Variants in PDE1A observed in about 807,000 individuals in gnomAD.
PDE1A encodes dual specificity calcium/calmodulin-dependent 3',5'-cyclic nucleotide phosphodiesterase 1A.
Under a neutral mutation model 61.7 loss-of-function variants are expected in PDE1A, and 35 were observed. The ratio of observed to expected loss-of-function variants is 0.57; its 90% CI spans 0.43 to 0.75. PDE1A has a LOEUF of 0.75. PDE1A is among the 30% of genes least tolerant of loss of function. The pLI is 0.00. For missense variants in PDE1A, 597 were observed against 630.6 expected, an observed-to-expected ratio of 0.95 and a Z score of 0.57; for synonymous variants, 232 against 213.2, an observed-to-expected ratio of 1.09 and a Z score of -0.77.
At chr2:182,197,798 A>G (rs1328719961) in intron 10 of PDE1A, among the ~76,000 whole-genome samples, 1 of 151,898 alleles carries the variant, frequency 6.6e-6, no homozygotes, top group Non-Finnish European at 1.5e-5. Context: ...CAGTGCCTTG[A>G]TCACTGTAGC....
the PDE1A span, among the ~76,000 whole-genome samples, chr2:182,616,676 GCTAGGCAGTTTT>G: frequency 2.0e-5 from 3 of 152,210 alleles, no homozygotes; most frequent in Non-Finnish European, 4.4e-5. Context: ...GAGCATCTTT[GCTAGGCAGTTTT>G]CCCAGCTACT....
chr2:182,694,550 CAAGAGATCCATG>C, the PDE1A span, among the ~76,000 whole-genome samples: 15 of 152,176 alleles, frequency 9.9e-5, no homozygotes, highest in Non-Finnish European at 1.3e-4. Flanking sequence ...TGTAGGAATA[CAAGAGATCCATG>C]AAGAGATCTC....
At chr2:182,589,527 A>G in the PDE1A span, among the ~76,000 whole-genome samples, 1 of 152,186 alleles carries the variant, frequency 6.6e-6, no homozygotes, top group Non-Finnish European at 1.5e-5. Context: ...ATCATCTAAA[A>G]CAAAAATTCA....
intron 1 of PDE1A, among the ~76,000 whole-genome samples, chr2:182,287,425 A>T (rs1694238561): frequency 6.6e-6 from 1 of 152,140 alleles, no homozygotes; most frequent in South Asian, 2.1e-4. Context: ...TCTATCTATC[A>T]CGTCTATTTA....
the PDE1A span, among the ~76,000 whole-genome samples, chr2:182,703,933 G>A: frequency 6.6e-6 from 1 of 152,018 alleles, no homozygotes; most frequent in Non-Finnish European, 1.5e-5. Flanking sequence ...GGGCGTGATG[G>A]CTCACACCTG....
chr2:182,260,220 CT>C (rs1161048274), intron 2 of PDE1A, among the ~76,000 whole-genome samples: 1 of 152,104 alleles, frequency 6.6e-6, no homozygotes, highest in Non-Finnish European at 1.5e-5. Context: ...TTTGTGCTGA[CT>C]TTTTTCTTTC....
At chr2:182,623,377 T>C in the PDE1A span, among the ~76,000 whole-genome samples, 1 of 152,140 alleles carries the variant, frequency 6.6e-6, no homozygotes, top group African/African-American at 2.4e-5. Context: ...TCTCAAGAAG[T>C]CTTGTCACAG....
At chr2:182,513,531 T>C (rs943356368) in intron 2 of PDE1A, among the ~76,000 whole-genome samples, 1 of 152,162 alleles carries the variant, frequency 6.6e-6, no homozygotes, top group Non-Finnish European at 1.5e-5. Context: ...CTATAAAGCT[T>C]GTACACAATC....
the PDE1A span, among the ~76,000 whole-genome samples, chr2:182,651,432 A>G: frequency 6.6e-6 from 1 of 152,246 alleles, no homozygotes; most frequent in East Asian, 1.9e-4. Flanking sequence ...TACAAAATTT[A>G]GTATGATCTT....
the PDE1A span, among the ~76,000 whole-genome samples, chr2:182,648,807 G>A: frequency 6.6e-6 from 1 of 152,076 alleles, no homozygotes; most frequent in Admixed American, 6.5e-5. Flanking sequence ...TGAAGACATG[G>A]GTGCAAATGC....
chr2:182,605,543 C>T, the PDE1A span, among the ~76,000 whole-genome samples: 1 of 152,164 alleles, frequency 6.6e-6, no homozygotes, highest in Non-Finnish European at 1.5e-5. Context: ...TGGATGGCCT[C>T]GTGAAATACG....
the PDE1A span, among the ~76,000 whole-genome samples, chr2:182,622,034 C>T: frequency 6.6e-6 from 1 of 152,132 alleles, no homozygotes; most frequent in East Asian, 1.9e-4. Flanking sequence ...GACTGGTTAT[C>T]TCATTTCCAG....
At chr2:182,293,001 A>G (rs1455987113) in intron 1 of PDE1A, among the ~76,000 whole-genome samples, 1 of 152,140 alleles carries the variant, frequency 6.6e-6, no homozygotes. Context: ...GGTATAATTT[A>G]CCTACAGTGA....
chr2:182,653,874 G>A, the PDE1A span, among the ~76,000 whole-genome samples: 3 of 152,164 alleles, frequency 2.0e-5, no homozygotes, highest in East Asian at 3.9e-4. Context: ...TGACACAAAC[G>A]TGCCTTACTG....
intron 2 of PDE1A, among the ~76,000 whole-genome samples, chr2:182,259,793 C>G (rs1692092631): frequency 6.6e-6 from 1 of 152,234 alleles, no homozygotes; most frequent in African/African-American, 2.4e-5. Context: ...ATCTCTCAGG[C>G]AGCTGCCTGC....
intron 10 of PDE1A, among the ~76,000 whole-genome samples, chr2:182,195,259 A>G (rs1686043160): frequency 6.6e-6 from 1 of 152,134 alleles, no homozygotes. Context: ...AAAATAGACT[A>G]GCAGGATAAC....
At chr2:182,283,153 G>A (rs1229845233) in intron 1 of PDE1A, among the ~76,000 whole-genome samples, 2 of 151,936 alleles carry the variant, frequency 1.3e-5, no homozygotes, top group African/African-American at 4.8e-5. Context: ...CGTTCCCAAG[G>A]ACTAGGAAAT....
chr2:182,288,371 T>C (rs1694305654), intron 1 of PDE1A, among the ~76,000 whole-genome samples: 3 of 152,142 alleles, frequency 2.0e-5, no homozygotes, highest in Admixed American at 2.0e-4. Flanking sequence ...GTGTAATCTC[T>C]ATGTCCTGGA....
intron 1 of PDE1A, among the ~76,000 whole-genome samples, chr2:182,291,253 T>G (rs1694512529): frequency 6.6e-6 from 1 of 152,090 alleles, no homozygotes; most frequent in African/African-American, 2.4e-5. Flanking sequence ...AAGATTAAAC[T>G]CTTCAGTCTT....
Sources: gnomAD v4.1 joint callset for allele counts (sites outside exome capture counted in the v4.1 genomes callset) on GRCh38, gnomAD v4.1.1 for gene constraint, MANE v1.5 for transcripts, NCBI Gene and HGNC (gene_info 2026-07-23, HGNC 2026-07-21) for gene names.